ASIC2: variants seen among roughly 807,000 people sequenced by gnomAD.
ASIC2 encodes acid sensing ion channel subunit 2, also known as acid-sensing ion channel 2.
ASIC2 carries 25 observed loss-of-function variants against 57.3 expected under a neutral mutation model. That is an observed-to-expected ratio of 0.44 (90% CI 0.32 to 0.61). ASIC2 has a LOEUF of 0.61. Among genes scored for constraint, ASIC2 ranks in the 20% least tolerant of loss-of-function variants. ASIC2 has a pLI of 0.06. For missense variants in ASIC2, 641 were observed against 738.1 expected, an observed-to-expected ratio of 0.87 and a Z score of 1.52; for synonymous variants, 319 against 307.5, an observed-to-expected ratio of 1.04 and a Z score of -0.39.
At chr17:33,411,244 A>T (rs941932886) in intron 1 of ASIC2, among the ~76,000 whole-genome samples, 1 of 152,176 alleles carries the variant, frequency 6.6e-6, no homozygotes, top group South Asian at 2.1e-4. Context: ...TCATTAGAAT[A>T]ACAATTTTCT....
intron 1 of ASIC2, among the ~76,000 whole-genome samples, chr17:33,813,459 C>T (rs369625028): frequency 1.8e-4 from 28 of 152,186 alleles, no homozygotes; most frequent in Admixed American, 5.2e-4. Context: ...TTTTTTGTGA[C>T]GGAGTCTCAC....
chr17:34,156,107 G>T lies in ASIC2; in HGVS notation c.426C>A (p.Asn142Lys). 1 of 1,614,124 alleles carries T rather than the reference G, an allele frequency of 6.2e-7. No individual in the cohort carries two copies. The highest frequency in any genetic ancestry group is 8.5e-7 in the Non-Finnish European group (1 of 1,180,036). ...ACTGCTTGGGTTTGTAGTGCTTGAA[G>T]TTGGCCTTCTGCCGCAGGGCCTCCA... The change falls in exon 1 of 10, where the codon AAC becomes AAA. Residue 142 changes from asparagine (N) to lysine (K), a missense_variant. By Grantham distance (94) the Asn-to-Lys change is moderately conservative (BLOSUM62 0). Coordinates refer to the ASIC2 transcript ENST00000359872. The surrounding 1 kb of genome is among the most constrained non-coding windows in gnomAD (Gnocchi z 4.4).
rs548561368 is a variant in ASIC2, at chr17:34,113,714, C to CA, written c.555+42263dup. Among the ~76,000 whole-genome samples the CA allele has an allele frequency of 9.3e-3, 1,272 of 137,172 alleles. 12 individuals are homozygous for CA. The highest frequency in any genetic ancestry group is 0.032 in the South Asian group (137 of 4,298). The allele number at this position is 137,172 out of a possible 152,430, so 90.0% of individuals were successfully genotyped here. ...ACAACAAAGTGAGACCTTGTCTGTA[C>CA]AAAAAAAAAAAATTGCCGGGTGCAG... On this transcript the variant is annotated intron_variant, in intron 1 of 9. Transcript: ENST00000359872.
chr17:33,017,548 G>C lies in ASIC2; in HGVS notation c.1521+57C>G, dbSNP rs1598235073. ...CCCTCTACTATGATTCTGAACCTGG[G>C]GCACGATGAGGGCACCAGCATGCGG... is the stretch of plus-strand genomic sequence containing the variant. On this transcript the variant is annotated intron_variant, in intron 8 of 9. Transcript: ENST00000225823. The C allele has an allele frequency of 4.8e-6, 7 of 1,450,838 alleles. No individual in the cohort carries two copies. In the South Asian group the frequency reaches 5.9e-5, roughly 12 times the overall value. The allele number at this position is 1,450,838 out of a possible 1,614,324, so 89.9% of individuals were successfully genotyped here. A position where few individuals can be genotyped will look rare whatever the true frequency, so the allele number is the denominator to read the frequency against.
At chr17:33,395,026 A>G (rs1207448100) in intron 1 of ASIC2, among the ~76,000 whole-genome samples, 3 of 138,502 alleles carry the variant, frequency 2.2e-5, no homozygotes, top group Admixed American at 7.3e-5. Context: ...CCATCCATGC[A>G]CATATCTATC....
chr17:33,476,938 A>G lies in ASIC2; in HGVS notation c.556-364871T>C, dbSNP rs576647832. 9.2e-5 allele frequency among the ~76,000 whole-genome samples: 14 copies of G among 152,186 alleles called. No homozygotes were observed. The South Asian group carries it at 2.7e-3, about 29-fold the overall frequency. Reference sequence around the variant, plus strand: ...CAGCAGTTGGGGAGACCTCTACGTTATTTTTGGAGACCAAAAACAGTAGTC... The same window carrying G: ...CAGCAGTTGGGGAGACCTCTACGTTGTTTTTGGAGACCAAAAACAGTAGTC... On this transcript the variant is annotated intron_variant, in intron 1 of 9. Transcript: ENST00000359872.
intron 1 of ASIC2, among the ~76,000 whole-genome samples, chr17:33,434,519 A>G (rs868584974): frequency 1.3e-4 from 20 of 152,238 alleles, no homozygotes; most frequent in African/African-American, 4.8e-4. Context: ...CTTTTTGACA[A>G]CAATGCTTTA....
chr17:33,726,234 C>T (rs1909556808), intron 1 of ASIC2, among the ~76,000 whole-genome samples: 2 of 152,010 alleles, frequency 1.3e-5, no homozygotes, highest in South Asian at 4.2e-4. Context: ...AGATAGACAC[C>T]CAGGGGTCCT....
chr17:33,758,561 G>A (rs1910683283), intron 1 of ASIC2, among the ~76,000 whole-genome samples: 1 of 152,118 alleles, frequency 6.6e-6, no homozygotes, highest in African/African-American at 2.4e-5. Flanking sequence ...GCCTTTAACA[G>A]GTGATTGAAC....
chr17:33,220,435 G>A (rs1029815608), intron 1 of ASIC2, among the ~76,000 whole-genome samples: 1 of 152,146 alleles, frequency 6.6e-6, no homozygotes. Flanking sequence ...CCCCATTGAC[G>A]TGGTTTCCCG....
chr17:34,040,126 C>G (rs1389096781), intron 1 of ASIC2, among the ~76,000 whole-genome samples: 3 of 103,192 alleles, frequency 2.9e-5, no homozygotes, highest in Admixed American at 1.9e-4. Flanking sequence ...CGACGCGGCC[C>G]CGGGCCCGGG....
intron 1 of ASIC2, among the ~76,000 whole-genome samples, chr17:33,832,314 T>A (rs2141901449): frequency 6.6e-6 from 1 of 152,238 alleles, no homozygotes; most frequent in South Asian, 2.1e-4. Context: ...CCAAGGAAAA[T>A]CCAGAAATCA....
chr17:33,299,060 G>A (rs1905840534), intron 1 of ASIC2, among the ~76,000 whole-genome samples: 1 of 152,160 alleles, frequency 6.6e-6, no homozygotes, highest in Admixed American at 6.5e-5. Context: ...AGCTACCAAT[G>A]ACTTTATTCA....
chr17:33,859,712 G>A (rs1225264023), intron 1 of ASIC2, among the ~76,000 whole-genome samples: 1 of 152,102 alleles, frequency 6.6e-6, no homozygotes, highest in African/African-American at 2.4e-5. Context: ...TTTGAGACAG[G>A]GTCTGCCACC....
intron 1 of ASIC2, among the ~76,000 whole-genome samples, chr17:34,132,454 A>G (rs952822742): frequency 9.2e-5 from 14 of 151,980 alleles, no homozygotes; most frequent in Non-Finnish European, 1.5e-4. Flanking sequence ...GTCTCCGCCC[A>G]TGTTCTGTTT....
At chr17:33,032,354 T>A (rs1176594480) in intron 3 of ASIC2, among the ~76,000 whole-genome samples, 1 of 152,012 alleles carries the variant, frequency 6.6e-6, no homozygotes, top group Non-Finnish European at 1.5e-5. Context: ...GAATTAATAT[T>A]ATGCCAGTTC....
At chr17:33,943,977 T>G (rs1916250894) in intron 1 of ASIC2, among the ~76,000 whole-genome samples, 2 of 152,286 alleles carry the variant, frequency 1.3e-5, no homozygotes, top group South Asian at 4.1e-4. Flanking sequence ...GAGGTTTATT[T>G]GTGGAAACCA....
At chr17:33,297,501 T>G (rs1024314459), upstream of ASIC2, among the ~76,000 whole-genome samples, 16 of 152,110 alleles carry the variant, frequency 1.1e-4, no homozygotes, top group African/African-American at 3.9e-4. Flanking sequence ...GTTATGCAAA[T>G]GGTGATAAGA....
intron 3 of ASIC2, among the ~76,000 whole-genome samples, chr17:33,078,086 C>A (rs1283932334): frequency 1.3e-5 from 2 of 152,138 alleles, no homozygotes; most frequent in African/African-American, 2.4e-5. Context: ...GCAGGACCAA[C>A]CAAAGCATGG....
Sources: allele counts gnomAD v4.1 joint callset (sites outside exome capture counted in the v4.1 genomes callset), GRCh38; gene constraint gnomAD v4.1.1; non-coding constraint Gnocchi (gnomAD v3.1); transcripts MANE v1.5; gene names NCBI Gene and HGNC (gene_info 2026-07-23, HGNC 2026-07-21).